Variants in FREM2 observed in about 807,000 individuals in gnomAD.
FREM2 encodes the protein FRAS1-related extracellular matrix protein 2.
In FREM2, 119 loss-of-function variants were observed where a neutral mutation model predicts 219.9. The ratio of observed to expected loss-of-function variants is 0.54; its 90% CI spans 0.47 to 0.63. FREM2 has a LOEUF of 0.63. Ranked by LOEUF, FREM2 falls within the 30% of genes least tolerant of loss-of-function variation. FREM2 has a pLI of 0.00. For synonymous variants in FREM2, 1,562 were observed against 1,522.8 expected, an observed-to-expected ratio of 1.03 and a Z score of -0.60; for missense variants, 4,030 against 3,993.6, an observed-to-expected ratio of 1.01 and a Z score of -0.25.
intron 16 of FREM2, among the ~76,000 whole-genome samples, chr13:38,870,583 G>T (rs545097178): frequency 6.6e-6 from 1 of 152,296 alleles, no homozygotes; most frequent in South Asian, 2.1e-4. Flanking sequence ...TTTGAAGAAG[G>T]TAGGTGATCT....
At chr13:38,819,692 T>G (rs1390846425) in intron 6 of FREM2, among the ~76,000 whole-genome samples, 1 of 152,174 alleles carries the variant, frequency 6.6e-6, no homozygotes, top group East Asian at 1.9e-4. Flanking sequence ...TTCCAAGATG[T>G]GCTAAATCTT....
intron 6 of FREM2, among the ~76,000 whole-genome samples, chr13:38,810,763 T>C (rs948558009): frequency 1.3e-5 from 2 of 152,028 alleles, no homozygotes; most frequent in African/African-American, 4.8e-5. Flanking sequence ...ATCAGAGATA[T>C]TAGCCCATAG....
intron 6 of FREM2, among the ~76,000 whole-genome samples, chr13:38,840,644 A>ATATATATATATATATATATATATGTGTG (rs1184958401): frequency 6.0e-5 from 8 of 134,316 alleles, no homozygotes; most frequent in South Asian, 2.4e-4. Context: ...ATATATATAT[A>ATATATATATATATATATATATATGTGTG]TGTGTATGTA....
intron 2 of FREM2, among the ~76,000 whole-genome samples, chr13:38,743,031 C>A (rs556986549): frequency 5.3e-5 from 8 of 152,088 alleles, no homozygotes; most frequent in Non-Finnish European, 1.0e-4. Context: ...ATATGGATCA[C>A]TGGTAAGAAT....
chr13:38,864,676 T>C, intron 16 of FREM2, 70 bp downstream of exon 16: 2 of 1,370,214 alleles, frequency 1.5e-6, no homozygotes, highest in Non-Finnish European at 1.0e-6. Context: ...CATAGATTTG[T>C]ACTAAGTCCC....
intron 1 of FREM2, among the ~76,000 whole-genome samples, chr13:38,695,103 T>C (rs1870052254): frequency 6.6e-6 from 1 of 152,230 alleles, no homozygotes; most frequent in Non-Finnish European, 1.5e-5. Flanking sequence ...AGATATTTGC[T>C]TTAAAAAGAT....
At chr13:38,793,585 C>T (rs879624669) in intron 6 of FREM2, among the ~76,000 whole-genome samples, 1 of 152,188 alleles carries the variant, frequency 6.6e-6, no homozygotes, top group Admixed American at 6.5e-5. Context: ...AGTTGTGTTT[C>T]ATTCTTGCAA....
At chr13:38,773,319 G>A (rs898570480) in intron 4 of FREM2, among the ~76,000 whole-genome samples, 3 of 151,912 alleles carry the variant, frequency 2.0e-5, no homozygotes, top group South Asian at 4.2e-4. Context: ...ATGGCTCTGC[G>A]ATCAATAGAG....
chr13:38,758,839 C>T (rs1873119127), intron 2 of FREM2, among the ~76,000 whole-genome samples: 1 of 152,326 alleles, frequency 6.6e-6, no homozygotes, highest in South Asian at 2.1e-4. Flanking sequence ...TCCTTGCTGT[C>T]TAAGAGAACA....
Position 38,690,105 on chromosome 13 carries a change from A to C in FREM2, c.2761A>C (p.Arg921=). Residue 921 remains arginine (R), a synonymous_variant, in exon 1 of 24, where the codon AGA becomes CGA. Transcript: ENST00000280481. ...TDSCSLEVSD[R]HHVVPITLRV... is the part of the protein sequence containing the mutation. ...TAGCTGCTCCTTGGAAGTCAGTGAC[A>C]GACATCATGTGGTGCCCATCACTCT... The C allele has an allele frequency of 6.2e-7, 1 of 1,614,152 alleles. No individual in the cohort carries two copies. The highest frequency in any genetic ancestry group is 1.1e-5 in the South Asian group (1 of 91,078).
intron 2 of FREM2, among the ~76,000 whole-genome samples, chr13:38,747,324 C>T (rs777762502): frequency 6.6e-6 from 1 of 151,718 alleles, no homozygotes; most frequent in Non-Finnish European, 1.5e-5. Context: ...CTGATTTACT[C>T]TGTGTGTGCA....
At chr13:38,740,998 C>T (rs933336766) in intron 2 of FREM2, among the ~76,000 whole-genome samples, 10 of 152,174 alleles carry the variant, frequency 6.6e-5, no homozygotes, top group Non-Finnish European at 1.0e-4. Flanking sequence ...CACACACAAA[C>T]GTCCATAGTA....
chr13:38,798,886 T>G (rs1874898710), intron 6 of FREM2, among the ~76,000 whole-genome samples: 1 of 152,020 alleles, frequency 6.6e-6, no homozygotes, highest in Non-Finnish European at 1.5e-5. Flanking sequence ...ATCTAGAGGT[T>G]TATCAATTTC....
chr13:38,692,423 C>T lies in FREM2; in HGVS notation c.5079C>T (p.His1693=), dbSNP rs748123498. ...AAGTGGAGGACAGAGACAGCTTACA[C>T]ATTTCTCTTAGATTTATCGTGACAG... is the stretch of plus-strand genomic sequence containing the variant. ...ILKVEDRDSL[H]ISLRFIVTEA... The change falls in exon 1 of 24, where the codon CAC becomes CAT. Residue 1693 remains histidine (H), a synonymous_variant. Coordinates refer to ENST00000280481, the MANE Select transcript of FREM2 (RefSeq NM_207361.6). 1 of 1,613,704 alleles carries T rather than the reference C, an allele frequency of 6.2e-7. No individual in the cohort carries two copies. The highest frequency in any genetic ancestry group is 8.5e-7 in the Non-Finnish European group (1 of 1,179,854).
At chr13:38,740,294 G>A (rs1872189707) in intron 2 of FREM2, among the ~76,000 whole-genome samples, 1 of 152,150 alleles carries the variant, frequency 6.6e-6, no homozygotes, top group African/African-American at 2.4e-5. Context: ...ATGTTCGAGA[G>A]ATATGTTACT....
At chr13:38,733,005 G>A (rs545827261) in intron 2 of FREM2, among the ~76,000 whole-genome samples, 5 of 152,302 alleles carry the variant, frequency 3.3e-5, no homozygotes, top group Admixed American at 3.3e-4. Flanking sequence ...CATGGATAAT[G>A]TGAAGGAGGC....
intron 2 of FREM2, among the ~76,000 whole-genome samples, 167 bp downstream of exon 2, chr13:38,697,954 C>G (rs1301142356): frequency 6.6e-6 from 1 of 152,184 alleles, no homozygotes; most frequent in African/African-American, 2.4e-5. Context: ...TGACACAATC[C>G]TACTATGTCA....
At chr13:38,732,009 T>C (rs989541870) in intron 2 of FREM2, among the ~76,000 whole-genome samples, 10 of 152,188 alleles carry the variant, frequency 6.6e-5, no homozygotes, top group African/African-American at 1.9e-4. Flanking sequence ...AGCTTGGAAA[T>C]GAATATCCAT....
chr13:38,848,302 A>T (rs867724634), intron 7 of FREM2, among the ~76,000 whole-genome samples, 159 bp from the exon 8 acceptor site: 15 of 152,236 alleles, frequency 9.9e-5, no homozygotes, highest in Non-Finnish European at 2.1e-4. Context: ...TTATCCAGAT[A>T]CTAATCTTTT....
Sources: allele counts gnomAD v4.1 joint callset (sites outside exome capture counted in the v4.1 genomes callset), GRCh38; gene constraint gnomAD v4.1.1; transcripts MANE v1.5; gene names NCBI Gene and HGNC (gene_info 2026-07-23, HGNC 2026-07-21).